CTDP1: variants seen among roughly 807,000 people sequenced by gnomAD.
The protein encoded by CTDP1 is RNA polymerase II subunit A C-terminal domain phosphatase.
A neutral mutation model predicts 91.8 loss-of-function variants in CTDP1; 47 were observed. The observed-to-expected ratio is 0.51, with a 90% CI of 0.41 to 0.65. The LOEUF (loss-of-function observed/expected upper bound fraction) is 0.65. CTDP1 is among the 30% of genes least tolerant of loss of function. The pLI is 0.00. For missense variants in CTDP1, 1,272 were observed against 1,373.7 expected (o/e 0.93, Z 1.17); for synonymous variants, 656 against 598.5 (o/e 1.10, Z -1.40).
intron 1 of CTDP1, among the ~76,000 whole-genome samples, chr18:79,688,979 A>T (rs542963785): frequency 6.6e-6 from 1 of 152,268 alleles, no homozygotes; most frequent in South Asian, 2.1e-4. Flanking sequence ...GCACACGCAC[A>T]TTTTTCTGGA....
chr18:79,695,429 A>T (rs1159388292), intron 2 of CTDP1, 121 bp downstream of exon 2: 1 of 851,052 alleles, frequency 1.2e-6, no homozygotes, highest in Admixed American at 1.9e-5. Flanking sequence ...GCAGATGCAG[A>T]CGCCTCCCTT....
chr18:79,687,675 C>T (rs964245445), intron 1 of CTDP1, among the ~76,000 whole-genome samples: 1 of 151,686 alleles, frequency 6.6e-6, no homozygotes, highest in Non-Finnish European at 1.5e-5. Context: ...TGGGCCTGCA[C>T]CGCAGCAGTT....
chr18:79,729,427 A>G (rs1568208145), intron 11 of CTDP1, among the ~76,000 whole-genome samples: 1 of 152,166 alleles, frequency 6.6e-6, no homozygotes, highest in African/African-American at 2.4e-5. Flanking sequence ...GGTCATGACA[A>G]GGGGTGACCC....
rs765360553 is a variant in CTDP1, at chr18:79,680,043, G to C, written c.96G>C (p.Leu32=). ...VRCPGPAPLR[L]LEWRVAAGAA... ...GCCCGGGGCCCGCGCCGCTGCGCCT[G>C]CTGGAGTGGAGGGTGGCGGCGGGCG... The change falls in exon 1 of 13, where the codon CTG becomes CTC. Residue 32 remains leucine (L), a synonymous_variant. Coordinates refer to ENST00000613122, the MANE Select transcript of CTDP1 (RefSeq NM_004715.5). The C allele has an allele frequency of 1.9e-5, 24 of 1,258,720 alleles. No individual in the cohort carries two copies. The highest frequency in any genetic ancestry group is 1.7e-4 in the South Asian group (6 of 35,666). 78.0% of individuals were successfully genotyped at this position (1,258,720 alleles called of 1,614,324 possible).
At chr18:79,732,966 T>C (rs1369478500) in intron 11 of CTDP1, among the ~76,000 whole-genome samples, 1 of 152,242 alleles carries the variant, frequency 6.6e-6, no homozygotes, top group Non-Finnish European at 1.5e-5. Flanking sequence ...ACAGGAGATG[T>C]GAGAACTCGC....
chr18:79,683,827 C>T (rs545978), intron 1 of CTDP1, among the ~76,000 whole-genome samples: 30,758 of 152,048 alleles, frequency 0.2, 3,353 homozygotes, highest in Middle Eastern at 0.3. Context: ...GTGGGATTTA[C>T]GGGGAGGACA....
chr18:79,684,259 G>A (rs1397105122), intron 1 of CTDP1, among the ~76,000 whole-genome samples: 1 of 152,244 alleles, frequency 6.6e-6, no homozygotes, highest in African/African-American at 2.4e-5. Flanking sequence ...AGCAGACTAC[G>A]CGCTGCTCCA....
At chr18:79,744,338 C>T (rs938808758) in intron 12 of CTDP1, among the ~76,000 whole-genome samples, 1 of 152,190 alleles carries the variant, frequency 6.6e-6, no homozygotes, top group African/African-American at 2.4e-5. Context: ...TTAAGTGAGA[C>T]CTGACACAGA....
intron 12 of CTDP1, among the ~76,000 whole-genome samples, chr18:79,748,577 G>A (rs1376593670): frequency 6.6e-6 from 1 of 152,236 alleles, no homozygotes; most frequent in Non-Finnish European, 1.5e-5. Context: ...GGCCCCTGCT[G>A]TGAGATGGGG....
chr18:79,729,263 A>G (rs901869604), intron 11 of CTDP1, among the ~76,000 whole-genome samples, 194 bp downstream of exon 11: 3 of 152,210 alleles, frequency 2.0e-5, no homozygotes, highest in South Asian at 2.1e-4. Context: ...CTAGAACAGC[A>G]TTAAGCAATG....
chr18:79,701,089 T>G (rs1050766982), intron 4 of CTDP1, among the ~76,000 whole-genome samples: 6 of 152,200 alleles, frequency 3.9e-5, no homozygotes, highest in Non-Finnish European at 7.4e-5. Context: ...ACCATGCACC[T>G]GGTCACCCAA....
At chr18:79,725,184 C>T (rs2086420459) in intron 10 of CTDP1, among the ~76,000 whole-genome samples, 1 of 152,174 alleles carries the variant, frequency 6.6e-6, no homozygotes, top group South Asian at 2.1e-4. Context: ...AACCTTGATG[C>T]GCTTCTGTGA....
intron 11 of CTDP1, among the ~76,000 whole-genome samples, chr18:79,733,001 C>CGTAA (rs1568210764): frequency 5.9e-5 from 9 of 152,234 alleles, no homozygotes. Flanking sequence ...CTTCTGGAAG[C>CGTAA]GACTCTAAAG....
chr18:79,710,565 G>C, intron 6 of CTDP1, 129 bp downstream of exon 6: 1 of 723,764 alleles, frequency 1.4e-6, no homozygotes, highest in Non-Finnish European at 2.4e-6. Context: ...CTGTTGCCCA[G>C]GCTAGAGTGC....
chr18:79,753,763 G>A lies in CTDP1; in HGVS notation c.2859G>A (p.Leu953=), dbSNP rs1388347635. The A allele has an allele frequency of 6.8e-6, 11 of 1,613,804 alleles. No homozygotes were observed. The highest frequency in any genetic ancestry group is 9.3e-6 in the Non-Finnish European group (11 of 1,180,004). ...SSEADEMAKA[L]EAELNDLM ...AGGCCGACGAGATGGCCAAGGCGCTGGAGGCGGAGCTCAACGACCTCATGT... is the reference window on the plus strand; with the variant it reads ...AGGCCGACGAGATGGCCAAGGCGCTAGAGGCGGAGCTCAACGACCTCATGT... The change falls in exon 13 of 13, where the codon CTG becomes CTA. Residue 953 remains leucine (L), a synonymous_variant. Coordinates refer to ENST00000613122, the MANE Select transcript of CTDP1 (RefSeq NM_004715.5).
At chr18:79,680,443 C>T (rs1483831219) in intron 1 of CTDP1, among the ~76,000 whole-genome samples, 182 bp downstream of exon 1, 2 of 152,222 alleles carry the variant, frequency 1.3e-5, no homozygotes, top group South Asian at 2.1e-4. Context: ...GTTTTACCAA[C>T]GGGGAGCATT....
chr18:79,723,471 A>G (rs1364644449), intron 10 of CTDP1, among the ~76,000 whole-genome samples: 1 of 152,008 alleles, frequency 6.6e-6, no homozygotes, highest in African/African-American at 2.4e-5. Context: ...GTCCTCATCT[A>G]AGTCTTTGAA....
chr18:79,736,963 G>A (rs145695197), intron 12 of CTDP1, among the ~76,000 whole-genome samples: 14 of 152,286 alleles, frequency 9.2e-5, no homozygotes, highest in East Asian at 7.7e-4. Flanking sequence ...GTGCACAGGC[G>A]TGTGCAGGGT....
chr18:79,701,739 A>G (rs2085864540), intron 4 of CTDP1, among the ~76,000 whole-genome samples: 1 of 152,180 alleles, frequency 6.6e-6, no homozygotes, highest in Non-Finnish European at 1.5e-5. Context: ...TGCATCAACC[A>G]GGAGTTGGGA....
Sources: gnomAD v4.1 joint callset for allele counts (sites outside exome capture counted in the v4.1 genomes callset) on GRCh38, gnomAD v4.1.1 for gene constraint, MANE v1.5 for transcripts, NCBI Gene and HGNC (gene_info 2026-07-23, HGNC 2026-07-21) for gene names.